Variants in MAP3K9 observed in about 807,000 individuals in gnomAD.
MAP3K9 encodes mixed lineage kinase 1 (tyr and ser/thr specificity).
In MAP3K9, 46 loss-of-function variants were observed where a neutral mutation model predicts 95.8. The observed-to-expected ratio is 0.48, with a 90% CI of 0.38 to 0.61. The LOEUF (loss-of-function observed/expected upper bound fraction) is 0.61, where lower values mean the gene tolerates loss of function less well. Among genes scored for constraint, MAP3K9 ranks in the 20% least tolerant of loss-of-function variants. The probability of loss-of-function intolerance (pLI) is 0.00; values close to 1 mark genes in which losing one functional copy is unlikely to be tolerated. For missense variants in MAP3K9, 1,296 were observed against 1,474.3 expected (o/e 0.88, Z 1.98); for synonymous variants, 533 against 593.8 (o/e 0.90, Z 1.49).
intron 1 of MAP3K9, among the ~76,000 whole-genome samples, chr14:70,803,853 G>A (rs2054960850): frequency 6.6e-6 from 1 of 152,202 alleles, no homozygotes; most frequent in African/African-American, 2.4e-5. Flanking sequence ...CAGTACTACA[G>A]AGGCTAGGAA....
chr14:70,747,878 G>A (rs1172145035), intron 5 of MAP3K9, among the ~76,000 whole-genome samples: 1 of 152,088 alleles, frequency 6.6e-6, no homozygotes, highest in South Asian at 2.1e-4. Context: ...GGAGGCCGAG[G>A]TGGGCGGATC....
chr14:70,797,389 C>T (rs34509410), intron 2 of MAP3K9, among the ~76,000 whole-genome samples: 35,048 of 151,470 alleles, frequency 0.23, 4,321 homozygotes, highest in East Asian at 0.33. Context: ...TAAGCCTGGG[C>T]CACAAAGCAA....
At position 70,740,160 on chromosome 14, in the gene MAP3K9, G is replaced by A; in HGVS notation, c.1572C>T (p.Phe524=). The A allele has an allele frequency of 6.2e-7, 1 of 1,612,310 alleles. No homozygotes were observed. The highest frequency in any genetic ancestry group is 8.5e-7 in the Non-Finnish European group (1 of 1,178,472). Residue 524 remains phenylalanine (F), a synonymous_variant, in exon 7 of 12, where the codon TTC becomes TTT. Transcript: ENST00000554752. ...DGNRISLPSD[F]QHKFTVQASP... ...AGGCCTGCACCGTGAACTTGTGCTG[G>A]AAATCTGCTTGGGGAAAGACAAACA...
intron 2 of MAP3K9, among the ~76,000 whole-genome samples, chr14:70,773,361 G>C (rs1420729428): frequency 2.0e-5 from 3 of 152,050 alleles, no homozygotes; most frequent in Non-Finnish European, 2.9e-5. Flanking sequence ...CAGCAGAAAG[G>C]GATTGCTACA....
In MAP3K9 at chr14:70,772,491, G is replaced by A. The variant is rs142652315; in HGVS notation, c.821-11309C>T. On this transcript the variant is annotated intron_variant, in intron 2 of 11. Transcript: ENST00000554752. ...TATAACCTGAAGAGGAATAATAAGC[G>A]CTCAATAAACATTCATCTGGAATTA... 2.0e-3 allele frequency among the ~76,000 whole-genome samples: 299 copies of A among 152,204 alleles called. 1 individual carries two copies. The highest frequency in any genetic ancestry group is 6.7e-3 in the African/African-American group (277 of 41,522).
At chr14:70,785,680 T>C (rs57843652) in intron 2 of MAP3K9, among the ~76,000 whole-genome samples, 34,387 of 151,952 alleles carry the variant, frequency 0.23, 4,185 homozygotes, top group South Asian at 0.38. Context: ...CCCGGGATCA[T>C]TGAGTTGTGA....
chr14:70,741,824 G>A (rs1393101790), intron 6 of MAP3K9, among the ~76,000 whole-genome samples: 1 of 152,220 alleles, frequency 6.6e-6, no homozygotes. Context: ...GCATGCGCCT[G>A]TAATCCCAGC....
intron 3 of MAP3K9, among the ~76,000 whole-genome samples, chr14:70,753,646 A>G (rs1392442464): frequency 6.6e-6 from 1 of 152,144 alleles, no homozygotes; most frequent in African/African-American, 2.4e-5. Flanking sequence ...CGTTCAGCTA[A>G]GTCACTGCCT....
In MAP3K9 at chr14:70,740,130, A is replaced by C; in HGVS notation, c.1602T>G (p.Pro534=). Residue 534 remains proline, a synonymous_variant, in exon 7 of 12, where the codon CCT becomes CCG. Coordinates refer to ENST00000554752, the MANE Select transcript of MAP3K9 (RefSeq NM_001284230.2). The part of the protein sequence containing the change: ...FQHKFTVQAS[P]TMDKRKSLIN... Reference sequence around the variant, plus strand: ...TAAGACTCTTCCTTTTATCCATGGTAGGGGAGGCCTGCACCGTGAACTTGT... The same window carrying C: ...TAAGACTCTTCCTTTTATCCATGGTCGGGGAGGCCTGCACCGTGAACTTGT... 1 of 1,614,144 alleles carries C rather than the reference A, an allele frequency of 6.2e-7. No homozygotes were observed.
In MAP3K9 at chr14:70,740,107, A is replaced by C. The variant is rs751515326; in HGVS notation, c.1625T>G (p.Leu542Arg). 3 of 1,614,210 alleles carry C rather than the reference A, an allele frequency of 1.9e-6. No homozygotes were observed. The highest frequency in any genetic ancestry group is 2.5e-6 in the Non-Finnish European group (3 of 1,180,038). ...AGGAGGACTGGAGCGGCTGTTGATAAGACTCTTCCTTTTATCCATGGTAGG... is the reference window on the plus strand; with the variant it reads ...AGGAGGACTGGAGCGGCTGTTGATACGACTCTTCCTTTTATCCATGGTAGG... ...ASPTMDKRKS[L>R]INSRSSPPAS... Residue 542 changes from leucine (L) to arginine (R), a missense_variant, in exon 7 of 12, where the codon CTT becomes CGT. By Grantham distance (102) the Leu-to-Arg change is moderately radical. Coordinates refer to ENST00000554752, the MANE Select transcript of MAP3K9 (RefSeq NM_001284230.2).
At chr14:70,776,167 C>T (rs1411325449) in intron 2 of MAP3K9, among the ~76,000 whole-genome samples, 4 of 151,960 alleles carry the variant, frequency 2.6e-5, no homozygotes, top group Non-Finnish European at 4.4e-5. Flanking sequence ...CCAGCCTGGG[C>T]GACAGAGCGA....
At chr14:70,756,323 G>A (rs1299805761) in intron 3 of MAP3K9, among the ~76,000 whole-genome samples, 2 of 152,156 alleles carry the variant, frequency 1.3e-5, no homozygotes, top group East Asian at 3.9e-4. Context: ...AGCAATTTCA[G>A]GGTTAGGCTG....
Position 70,724,404 on chromosome 14 carries a change from G to T in MAP3K9, c.*5976C>A, listed in dbSNP as rs1251232147. 1.3e-5 allele frequency: 2 copies of T among 152,192 alleles called. No homozygotes were observed. The highest frequency in any genetic ancestry group is 2.9e-5 in the Non-Finnish European group (2 of 68,036). The allele number at this position is 152,192 out of a possible 1,614,324, so 9.4% of individuals were successfully genotyped here. A position where few individuals can be genotyped will look rare whatever the true frequency, so the allele number is the denominator to read the frequency against. ...CCACTGCCTCACTCAGGACCTGAGGGGAAGGGCAAGTAAAAATTTAAAACG... is the reference window on the plus strand; with the variant it reads ...CCACTGCCTCACTCAGGACCTGAGGTGAAGGGCAAGTAAAAATTTAAAACG... On this transcript the variant is annotated 3_prime_UTR_variant, in exon 12 of 12. Coordinates refer to ENST00000554752, the MANE Select transcript of MAP3K9 (RefSeq NM_001284230.2).
In MAP3K9 at chr14:70,793,473, GC is replaced by G. The variant is rs775572404; in HGVS notation, c.820+7193del. On this transcript the variant is annotated intron_variant, in intron 2 of 11. Transcript: ENST00000554752. ...AGACCAAAGCAGGTGGATTGCTTGA[GC>G]CCAGGAGTTCAAGACCAGCCTGGGC... is the stretch of plus-strand genomic sequence containing the variant. 4.9e-4 allele frequency among the ~76,000 whole-genome samples: 75 copies of G among 152,200 alleles called. 1 individual carries two copies. The highest frequency in any genetic ancestry group is 3.4e-3 in the Middle Eastern group (1 of 294).
chr14:70,790,415 C>T (rs1447727122), intron 2 of MAP3K9, among the ~76,000 whole-genome samples: 5 of 152,162 alleles, frequency 3.3e-5, no homozygotes, highest in Admixed American at 6.5e-5. Context: ...CTGTCCAAAC[C>T]CCTCATTTTG....
intron 2 of MAP3K9, among the ~76,000 whole-genome samples, chr14:70,771,326 A>C (rs961870227): frequency 6.6e-6 from 1 of 152,082 alleles, no homozygotes; most frequent in Non-Finnish European, 1.5e-5. Context: ...CATATCCTAC[A>C]AAGGAAACTT....
Position 70,738,407 on chromosome 14 carries a change from C to T in MAP3K9, c.1691-9G>A, listed in dbSNP as rs1566732634. 4 of 1,613,302 alleles carry T rather than the reference C, an allele frequency of 2.5e-6. No individual in the cohort carries two copies. Among genetic ancestry groups the T allele is most frequent in the Non-Finnish European group, 3.4e-6 (4 of 1,179,712 alleles). On this transcript the variant is annotated splice_polypyrimidine_tract_variant and intron_variant, in intron 7 of 11. Transcript: ENST00000554752. ...GCTTTCACCTGGTGTCACTGTGAATCACAAGGGTTGGATAGGATCTAGAAA... is the reference window on the plus strand; with the variant it reads ...GCTTTCACCTGGTGTCACTGTGAATTACAAGGGTTGGATAGGATCTAGAAA...
At chr14:70,753,581 G>A (rs1026403113) in intron 3 of MAP3K9, among the ~76,000 whole-genome samples, 1 of 152,140 alleles carries the variant, frequency 6.6e-6, no homozygotes, top group African/African-American at 2.4e-5. Context: ...GCCCTCCCAA[G>A]GTTAAAAGGT....
At chr14:70,756,270 C>T (rs1017033643) in intron 3 of MAP3K9, among the ~76,000 whole-genome samples, 4 of 152,144 alleles carry the variant, frequency 2.6e-5, no homozygotes, top group African/African-American at 4.8e-5. Flanking sequence ...CTGTCCAAAT[C>T]GTCACCAGCA....
Sources: gnomAD v4.1 joint callset for allele counts (sites outside exome capture counted in the v4.1 genomes callset) on GRCh38, gnomAD v4.1.1 for gene constraint, MANE v1.5 for transcripts, NCBI Gene and HGNC (gene_info 2026-07-23, HGNC 2026-07-21) for gene names.